SMARCA2: variants seen among roughly 807,000 people sequenced by gnomAD.
SMARCA2 encodes the protein SWI/SNF related BAF chromatin remodeling complex subunit ATPase 2.
SMARCA2 carries 61 observed loss-of-function variants against 199.8 expected under a neutral mutation model. The observed-to-expected ratio is 0.31, with a 90% confidence interval of 0.25 to 0.38. SMARCA2 has a LOEUF of 0.38. Among genes scored for constraint, SMARCA2 ranks in the 10% least tolerant of loss-of-function variants. SMARCA2 has a pLI of 1.00. For missense variants in SMARCA2, 1,344 were observed against 2,012.2 expected (o/e 0.67, Z 6.35); for synonymous variants, 935 against 732.0 (o/e 1.28, Z -4.48).
intron 28 of SMARCA2, among the ~76,000 whole-genome samples, chr9:2,163,999 C>T (rs1191024539): frequency 2.0e-5 from 3 of 152,144 alleles, no homozygotes; most frequent in Non-Finnish European, 4.4e-5. Flanking sequence ...ACTCTGGCAG[C>T]ACTTTGCCCA....
chr9:2,141,245 A>G (rs572234723), intron 27 of SMARCA2, among the ~76,000 whole-genome samples: 4 of 152,296 alleles, frequency 2.6e-5, no homozygotes, highest in South Asian at 2.1e-4. Context: ...ACTGGAAGCT[A>G]TAAATAGACA....
At chr9:2,107,153 T>C (rs1822788544) in intron 23 of SMARCA2, among the ~76,000 whole-genome samples, 1 of 152,196 alleles carries the variant, frequency 6.6e-6, no homozygotes, top group African/African-American at 2.4e-5. Flanking sequence ...GTTAAAAAGA[T>C]TGCTGATGAT....
Position 2,182,231 on chromosome 9 carries a change from G to T in SMARCA2, c.4450G>T (p.Glu1484Ter). Reference protein sequence around the residue: ...LCHNAQTFNLEGSQIYEDSIV... With the variant: ...LCHNAQTFNL ...TCACAACGCTCAGACGTTCAACCTG[G>T]AGGGATCCCAGGTCTGTCTTGTTAA... The change falls in exon 31 of 34, where the codon GAG (glutamate) becomes TAG (stop). Residue 1484 changes from glutamate (E) to a stop codon, truncating the protein, a stop_gained. Transcript: ENST00000349721. LOFTEE classifies it high-confidence loss of function. The T allele has an allele frequency of 6.2e-7, 1 of 1,609,768 alleles. No individual in the cohort carries two copies. The highest frequency in any genetic ancestry group is 1.7e-5 in the Admixed American group (1 of 59,964).
intron 22 of SMARCA2, among the ~76,000 whole-genome samples, chr9:2,102,664 G>A (rs1028306059): frequency 1.2e-4 from 18 of 152,114 alleles, no homozygotes; most frequent in Admixed American, 3.3e-4. Flanking sequence ...ATATCACAGC[G>A]TCTTCTGCAT....
Position 2,119,930 on chromosome 9 carries a change from A to G in SMARCA2, c.3762+395A>G, listed in dbSNP as rs909936679. 2.0e-5 allele frequency among the ~76,000 whole-genome samples: 3 copies of G among 152,176 alleles called. No homozygotes were observed. The highest frequency in any genetic ancestry group is 4.8e-5 in the African/African-American group (2 of 41,432). On this transcript the variant is annotated intron_variant, in intron 26 of 33. Coordinates refer to ENST00000349721, the MANE Select transcript of SMARCA2 (RefSeq NM_003070.5). The surrounding 1 kb of genome is among the most constrained non-coding windows in gnomAD (Gnocchi z 4.6). ...CTGTTCCCAGTTCGTTTCTAATCCCAGGCCAGTGTCATTCAGGAAGCCTAC... is the reference window on the plus strand; with the variant it reads ...CTGTTCCCAGTTCGTTTCTAATCCCGGGCCAGTGTCATTCAGGAAGCCTAC...
intron 27 of SMARCA2, among the ~76,000 whole-genome samples, chr9:2,144,722 A>T (rs1461781542): frequency 6.6e-6 from 1 of 152,206 alleles, no homozygotes; most frequent in Admixed American, 6.5e-5. Context: ...ATTATGGCTT[A>T]TGTCCCCTCC....
intron 3 of SMARCA2, among the ~76,000 whole-genome samples, chr9:2,035,697 A>G (rs1336984311): frequency 6.6e-6 from 1 of 152,170 alleles, no homozygotes; most frequent in Admixed American, 6.5e-5. Flanking sequence ...GTTTAAAATG[A>G]TCTCAACTTT....
chr9:2,027,099 T>C (rs1586621271), intron 1 of SMARCA2, among the ~76,000 whole-genome samples: 1 of 117,550 alleles, frequency 8.5e-6, no homozygotes, highest in South Asian at 2.4e-4. Context: ...TAAGGATTTC[T>C]TTATGGGAAC....
At chr9:2,023,579 T>C (rs1030445459) in intron 1 of SMARCA2, among the ~76,000 whole-genome samples, 7 of 152,166 alleles carry the variant, frequency 4.6e-5, no homozygotes, top group African/African-American at 1.7e-4. Context: ...CATTATGCAT[T>C]GTTTAAAGTT....
intron 27 of SMARCA2, among the ~76,000 whole-genome samples, chr9:2,157,459 A>G (rs1010484655): frequency 1.2e-4 from 19 of 152,156 alleles, no homozygotes; most frequent in Non-Finnish European, 2.5e-4. Context: ...CTGGAATCCA[A>G]CTAGAGTTCC....
intron 27 of SMARCA2, among the ~76,000 whole-genome samples, chr9:2,140,519 G>C (rs1824410850): frequency 6.6e-6 from 1 of 152,106 alleles, no homozygotes; most frequent in Non-Finnish European, 1.5e-5. Flanking sequence ...CTGTCTTTCT[G>C]CATTTTTGTA....
chr9:2,156,869 C>T (rs374523058), intron 27 of SMARCA2, among the ~76,000 whole-genome samples: 23 of 152,330 alleles, frequency 1.5e-4, no homozygotes, highest in East Asian at 9.6e-4. Context: ...ACTAACTCCC[C>T]GGCCGTCTTC....
intron 31 of SMARCA2, among the ~76,000 whole-genome samples, chr9:2,183,942 C>T (rs1458589086): frequency 6.6e-6 from 1 of 152,194 alleles, no homozygotes; most frequent in Non-Finnish European, 1.5e-5. Context: ...TCTGTTTTCA[C>T]TCTGACTGTC....
rs113070757 is a variant in SMARCA2, at chr9:2,039,776, ACAGCAGCAG to A, written c.699_707del (p.Gln236_Gln238del). On this transcript the variant is annotated inframe_deletion, in exon 4 of 34. Transcript: ENST00000349721. This position sits in a 1 kb window ranked among gnomAD's most constrained non-coding sequence, Gnocchi z 4.8. ...GCTTGCAGCAACAACAGCAGCAGCA[ACAGCAGCAG>A]CAGCAGCAGCAGCAGCAGCAGCAGC... 6,383 of 1,596,338 alleles carry A rather than the reference ACAGCAGCAG, an allele frequency of 4.0e-3. 11 individuals carry two copies. Among genetic ancestry groups the A allele is most frequent in the African/African-American group, 0.01 (755 of 73,690 alleles).
intron 27 of SMARCA2, among the ~76,000 whole-genome samples, chr9:2,154,508 T>C (rs778222239): frequency 1.3e-5 from 2 of 152,194 alleles, no homozygotes; most frequent in Non-Finnish European, 2.9e-5. Flanking sequence ...CTCATTCTCA[T>C]CAGTATCTTA....
At chr9:2,046,058 G>A (rs1332179012) in intron 4 of SMARCA2, 1 of 152,134 alleles carries the variant, frequency 6.6e-6, no homozygotes, top group African/African-American at 2.4e-5. Flanking sequence ...AAATCGCTCT[G>A]AAGTATGTAG....
At chr9:2,129,417 C>T (rs1011961241) in intron 27 of SMARCA2, among the ~76,000 whole-genome samples, 2 of 151,936 alleles carry the variant, frequency 1.3e-5, no homozygotes, top group African/African-American at 4.8e-5. Flanking sequence ...GACTCCATCT[C>T]GAAAAAAGGG....
At position 2,186,348 on chromosome 9, in the gene SMARCA2, C is replaced by T. The variant is rs1220952321; in HGVS notation, c.4594+120C>T. The T allele has an allele frequency of 1.0e-5, 11 of 1,085,766 alleles. 1 individual carries two copies. The highest frequency in any genetic ancestry group is 8.0e-5 in the African/African-American group (5 of 62,838). 67.3% of individuals were successfully genotyped at this position (1,085,766 alleles called of 1,614,324 possible). On this transcript the variant is annotated intron_variant, in intron 32 of 33. Coordinates refer to ENST00000349721, the MANE Select transcript of SMARCA2 (RefSeq NM_003070.5). Reference sequence around the variant, plus strand: ...CAGATCTGGATTGGAGCCCTTATTCCACTTTGTCCTTGCTGGGCAACCGGT... The same window carrying T: ...CAGATCTGGATTGGAGCCCTTATTCTACTTTGTCCTTGCTGGGCAACCGGT...
At chr9:2,065,047 T>G (rs891578525) in intron 9 of SMARCA2, among the ~76,000 whole-genome samples, 1 of 152,128 alleles carries the variant, frequency 6.6e-6, no homozygotes, top group African/African-American at 2.4e-5. Context: ...TAGCCGGGCG[T>G]GGTGGCAGGC....
Sources: gnomAD v4.1 joint callset for allele counts (sites outside exome capture counted in the v4.1 genomes callset) on GRCh38, gnomAD v4.1.1 for gene constraint, Gnocchi (gnomAD v3.1) non-coding constraint, MANE v1.5 for transcripts, NCBI Gene and HGNC (gene_info 2026-07-23, HGNC 2026-07-21) for gene names.